The following AGBL4 variants were observed in gnomAD, a reference collection of about 807,000 sequenced individuals.
AGBL4 encodes cytosolic carboxypeptidase 6.
AGBL4 carries 58 observed loss-of-function variants against 66.4 expected under a neutral mutation model. The observed-to-expected ratio is 0.87, with a 90% CI of 0.71 to 1.09. The LOEUF is 1.09. Ranked by LOEUF, AGBL4 falls within the 50% of genes least tolerant of loss-of-function variation. The probability of loss-of-function intolerance (pLI) is 0.00; values close to 1 mark genes in which losing one functional copy is unlikely to be tolerated. For missense variants in AGBL4, 579 were observed against 631.0 expected, an observed-to-expected ratio of 0.92 and a Z score of 0.88; for synonymous variants, 234 against 222.9, an observed-to-expected ratio of 1.05 and a Z score of -0.44.
intron 1 of AGBL4, among the ~76,000 whole-genome samples, chr1:49,938,241 T>C (rs532359047): frequency 3.3e-5 from 5 of 151,748 alleles, no homozygotes; most frequent in African/African-American, 1.2e-4. Context: ...AACCAGAAAA[T>C]CTAGAAGAAA....
chr1:49,799,118 A>T (rs915305629), intron 2 of AGBL4, among the ~76,000 whole-genome samples: 1 of 152,154 alleles, frequency 6.6e-6, no homozygotes, highest in Admixed American at 6.6e-5. Flanking sequence ...TTAGTAGTGC[A>T]CCATGTGCAT....
At chr1:48,996,392 G>T (rs1183267804) in intron 5 of AGBL4, among the ~76,000 whole-genome samples, 2 of 152,186 alleles carry the variant, frequency 1.3e-5, no homozygotes, top group African/African-American at 4.8e-5. Flanking sequence ...AAGCATAGTG[G>T]CTAGAGTACT....
intron 1 of AGBL4, among the ~76,000 whole-genome samples, chr1:49,898,040 A>T (rs770599026): frequency 1.4e-4 from 22 of 152,312 alleles, no homozygotes; most frequent in Admixed American, 3.3e-4. Context: ...ACTCTCCAGA[A>T]CATTGGACTG....
chr1:49,413,076 G>A (rs772130397), intron 3 of AGBL4, among the ~76,000 whole-genome samples: 10 of 152,152 alleles, frequency 6.6e-5, no homozygotes, highest in Non-Finnish European at 1.3e-4. Context: ...TGGAAATTTC[G>A]GAAGTAAAAG....
At position 49,769,760 on chromosome 1, in the gene AGBL4, G is replaced by A. The variant is rs531807769; in HGVS notation, c.158-72323C>T. 2.0e-5 allele frequency among the ~76,000 whole-genome samples: 3 copies of A among 152,284 alleles called. No individual in the cohort carries two copies. In the South Asian group the frequency reaches 6.2e-4, roughly 32 times the overall value. On this transcript the variant is annotated intron_variant, in intron 2 of 13. Transcript: ENST00000371839. The stretch of plus-strand genomic sequence containing the variant: ...TGGTGGGATAACTGGCTATCCATAT[G>A]CAGATGAATGAAACTGATCCCTACC...
intron 3 of AGBL4, among the ~76,000 whole-genome samples, chr1:49,362,922 A>G (rs187583424): frequency 4.6e-5 from 7 of 152,282 alleles, no homozygotes; most frequent in Admixed American, 4.6e-4. Flanking sequence ...AGATAATGAA[A>G]CAAATTTTGG....
intron 5 of AGBL4, among the ~76,000 whole-genome samples, chr1:48,940,232 G>A (rs1174595509): frequency 1.3e-5 from 2 of 152,134 alleles, no homozygotes; most frequent in African/African-American, 4.8e-5. Flanking sequence ...ACAAAAATTA[G>A]TGGGGCGTGG....
intron 2 of AGBL4, among the ~76,000 whole-genome samples, chr1:49,753,181 G>T (rs1306426043): frequency 6.6e-6 from 1 of 152,146 alleles, no homozygotes; most frequent in Non-Finnish European, 1.5e-5. Flanking sequence ...TTTACATTTT[G>T]GTATGGTTTT....
At chr1:49,237,876 T>C (rs1365036646) in intron 4 of AGBL4, among the ~76,000 whole-genome samples, 1 of 152,120 alleles carries the variant, frequency 6.6e-6, no homozygotes, top group Non-Finnish European at 1.5e-5. Flanking sequence ...TTTACCATTC[T>C]TTTAGAATAA....
chr1:49,597,723 G>C (rs1034569098), intron 3 of AGBL4, among the ~76,000 whole-genome samples: 1 of 152,172 alleles, frequency 6.6e-6, no homozygotes, highest in African/African-American at 2.4e-5. Flanking sequence ...TAAAAGTCAA[G>C]ATCTCCTTCA....
At chr1:48,570,645 G>C (rs1644547170) in intron 11 of AGBL4, among the ~76,000 whole-genome samples, 2 of 152,278 alleles carry the variant, frequency 1.3e-5, no homozygotes, top group South Asian at 4.1e-4. Flanking sequence ...GCACATAGTA[G>C]GCAAACAGTA....
chr1:49,440,069 C>CTT (rs34024621), intron 3 of AGBL4, among the ~76,000 whole-genome samples: 2,838 of 123,470 alleles, frequency 0.023, 195 homozygotes, highest in African/African-American at 0.079. Context: ...AAGGACTCTA[C>CTT]TTTTTTTTTT....
intron 6 of AGBL4, among the ~76,000 whole-genome samples, chr1:48,667,438 A>C (rs903775227): frequency 1.3e-5 from 2 of 152,232 alleles, no homozygotes; most frequent in African/African-American, 4.8e-5. Flanking sequence ...ATGTGAGTGC[A>C]TTTGGAAGAG....
intron 8 of AGBL4, among the ~76,000 whole-genome samples, chr1:48,650,444 A>ACTTT (rs376697224): frequency 6.8e-6 from 1 of 147,024 alleles, no homozygotes; most frequent in Non-Finnish European, 1.5e-5. Context: ...CTGAGAACCA[A>ACTTT]CCTTCCTTCC....
chr1:48,961,454 C>T (rs796534353), intron 5 of AGBL4, among the ~76,000 whole-genome samples: 14 of 152,228 alleles, frequency 9.2e-5, no homozygotes, highest in African/African-American at 3.1e-4. Flanking sequence ...AGTAGAAATG[C>T]AGAAAGACCG....
chr1:48,982,819 G>T (rs1050974720), intron 5 of AGBL4, among the ~76,000 whole-genome samples: 1 of 152,068 alleles, frequency 6.6e-6, no homozygotes, highest in Non-Finnish European at 1.5e-5. Flanking sequence ...GTCCCACCAA[G>T]AGTGTAAAAG....
Position 49,210,037 on chromosome 1 carries a change from C to T in AGBL4, c.377+35733G>A, listed in dbSNP as rs371424019. 7.9e-5 allele frequency among the ~76,000 whole-genome samples: 12 copies of T among 152,032 alleles called. No individual in the cohort carries two copies. The East Asian group carries it at 1.6e-3, about 20-fold the overall frequency. On this transcript the variant is annotated intron_variant, in intron 4 of 13. Transcript: ENST00000371839. ...TTATGTTCAAGTGAAAAGTGTAAGA[C>T]GGGGAGAGATTGGCTAGTGGTCATA...
chr1:48,538,264 T>C (rs139400355), intron 12 of AGBL4, among the ~76,000 whole-genome samples: 11 of 152,104 alleles, frequency 7.2e-5, no homozygotes, highest in South Asian at 4.2e-4. Flanking sequence ...TCTTGATGAG[T>C]TGGTTGGAAA....
At chr1:49,020,319 TG>T (rs1170708305) in intron 5 of AGBL4, among the ~76,000 whole-genome samples, 1 of 152,168 alleles carries the variant, frequency 6.6e-6, no homozygotes, top group East Asian at 1.9e-4. Flanking sequence ...TATCAGCCCT[TG>T]GGCCTGTAAA....
Sources: allele counts gnomAD v4.1 joint callset (sites outside exome capture counted in the v4.1 genomes callset), GRCh38; gene constraint gnomAD v4.1.1; transcripts MANE v1.5; gene names NCBI Gene and HGNC (gene_info 2026-07-23, HGNC 2026-07-21).